The following STRBP variants were observed in gnomAD, a reference collection of about 807,000 sequenced individuals.
STRBP encodes spermatid perinuclear RNA-binding protein.
STRBP carries 13 observed loss-of-function variants against 80.1 expected under a neutral mutation model. That is an observed-to-expected ratio of 0.16 (90% CI 0.11 to 0.26). The LOEUF is 0.26. STRBP is among the 10% of genes least tolerant of loss of function. The probability of loss-of-function intolerance (pLI) is 1.00; values close to 1 mark genes in which losing one functional copy is unlikely to be tolerated. For synonymous variants in STRBP, 284 were observed against 291.2 expected (o/e 0.98, Z 0.25); for missense variants, 485 against 815.2 (o/e 0.59, Z 4.93).
At chr9:123,197,012 A>G (rs1002935383) in intron 2 of STRBP, among the ~76,000 whole-genome samples, 1 of 152,256 alleles carries the variant, frequency 6.6e-6, no homozygotes, top group Non-Finnish European at 1.5e-5. Flanking sequence ...ACGAATGAAT[A>G]AAGTAAATAT....
chr9:123,219,819 A>C lies in STRBP; in HGVS notation c.-165+17011T>G, dbSNP rs868604809. Among the ~76,000 whole-genome samples, 11 of 152,376 alleles carry C rather than the reference A, an allele frequency of 7.2e-5. No individual in the cohort carries two copies. In the Middle Eastern group the frequency reaches 0.017, roughly 236 times the overall value. ...ATTTCACAGAGTTGCTACAAAATTTAAATGAGAGAAAAAAGACAATTACCT... is the reference window on the plus strand; with the variant it reads ...ATTTCACAGAGTTGCTACAAAATTTCAATGAGAGAAAAAAGACAATTACCT... On this transcript the variant is annotated intron_variant, in intron 2 of 18. Coordinates refer to ENST00000348403, the MANE Select transcript of STRBP (RefSeq NM_018387.5).
chr9:123,266,536 T>C (rs1007683602), intron 1 of STRBP, among the ~76,000 whole-genome samples: 5 of 152,102 alleles, frequency 3.3e-5, no homozygotes, highest in African/African-American at 9.6e-5. Flanking sequence ...CCTTAGACTC[T>C]CAGTGACCTA....
chr9:123,262,724 C>T (rs1388521840), intron 1 of STRBP, among the ~76,000 whole-genome samples: 2 of 152,218 alleles, frequency 1.3e-5, no homozygotes, highest in African/African-American at 4.8e-5. Context: ...CAGCCACATG[C>T]ACATGTGGAG....
chr9:123,173,656 G>A lies in STRBP; in HGVS notation c.390+21C>T, dbSNP rs530165575. ...CACCTTTTTACAAATTCGCCTAGAG[G>A]TGCAGTTAAACTGTACTCACCTGAA... On this transcript the variant is annotated intron_variant, in intron 5 of 18. Coordinates refer to ENST00000348403, the MANE Select transcript of STRBP (RefSeq NM_018387.5). 2.3e-5 allele frequency: 36 copies of A among 1,575,194 alleles called. 1 individual carries two copies. In the South Asian group the frequency reaches 3.2e-4, roughly 14 times the overall value.
Position 123,136,282 on chromosome 9 carries a change from T to C in STRBP, c.1632+99A>G, listed in dbSNP as rs1280148783. On this transcript the variant is annotated intron_variant, in intron 15 of 18. Coordinates refer to ENST00000348403, the MANE Select transcript of STRBP (RefSeq NM_018387.5). This position sits in a 1 kb window ranked among gnomAD's most constrained non-coding sequence, Gnocchi z 4.2. ...ACAGAAAACACCAAAAATCAAATAG[T>C]GCCACAAGAACTGACTCAGTCTAAA... 1.3e-5 allele frequency: 20 copies of C among 1,594,902 alleles called. No homozygotes were observed. The highest frequency in any genetic ancestry group is 1.1e-4 in the South Asian group (10 of 88,404).
chr9:123,264,048 G>A (rs957435934), intron 1 of STRBP, among the ~76,000 whole-genome samples: 2 of 152,160 alleles, frequency 1.3e-5, no homozygotes, highest in African/African-American at 4.8e-5. Flanking sequence ...GCGTGGTGGC[G>A]GGCACCTGTA....
At chr9:123,151,805 A>G (rs976227036) in intron 11 of STRBP, among the ~76,000 whole-genome samples, 6 of 152,182 alleles carry the variant, frequency 3.9e-5, no homozygotes, top group Admixed American at 3.9e-4. Context: ...AAAGAAAGTC[A>G]TAAGGAAGGA....
intron 1 of STRBP, among the ~76,000 whole-genome samples, chr9:123,238,234 C>T (rs755069821): frequency 7.2e-5 from 11 of 152,162 alleles, no homozygotes; most frequent in Non-Finnish European, 1.6e-4. Context: ...GATCGCTTGA[C>T]GCCAGGAATT....
chr9:123,121,410 C>T (rs933969989), downstream of STRBP: 2 of 152,160 alleles, frequency 1.3e-5, no homozygotes, highest in African/African-American at 4.8e-5. Context: ...CACATCTTTA[C>T]ATGAACTCCA....
intron 14 of STRBP, among the ~76,000 whole-genome samples, chr9:123,139,025 G>A (rs1296648477): frequency 1.3e-5 from 2 of 152,070 alleles, no homozygotes; most frequent in African/African-American, 2.4e-5. Flanking sequence ...AGTTCCAGTC[G>A]GGACTTAATT....
intron 11 of STRBP, among the ~76,000 whole-genome samples, chr9:123,152,594 G>A (rs975803573): frequency 6.6e-6 from 1 of 151,928 alleles, no homozygotes; most frequent in African/African-American, 2.4e-5. Flanking sequence ...GGACCCTAAG[G>A]GCATTATGCT....
At chr9:123,134,348 T>C (rs919838271) in intron 16 of STRBP, among the ~76,000 whole-genome samples, 1 of 152,188 alleles carries the variant, frequency 6.6e-6, no homozygotes, top group Non-Finnish European at 1.5e-5. Context: ...ACTTTGAAAA[T>C]GCAACATCCT....
rs768132382 is a variant in STRBP at position 123,139,684 on chromosome 9, A to G, written c.1342T>C (p.Leu448=). The stretch of plus-strand genomic sequence containing the variant: ...CCTGTTGGATATCCCATTGCCTGCA[A>G]TACCTGTACAAATTACATTAAAATG... ...TAKLHVAVKV[L]QAMGYPTGFD... is the part of the protein sequence containing the mutation. The change falls in exon 14 of 19, where the codon TTG becomes CTG. Residue 448 remains leucine, a synonymous_variant. Transcript: ENST00000348403. The G allele has an allele frequency of 7.5e-6, 12 of 1,609,280 alleles. No homozygotes were observed. Among genetic ancestry groups the G allele is most frequent in the Non-Finnish European group, 1.0e-5 (12 of 1,179,092 alleles).
At chr9:123,257,154 T>C (rs1016574780) in intron 1 of STRBP, among the ~76,000 whole-genome samples, 1 of 152,124 alleles carries the variant, frequency 6.6e-6, no homozygotes, top group African/African-American at 2.4e-5. Flanking sequence ...TCCTTTCATA[T>C]ATCGTATCGT....
intron 17 of STRBP, among the ~76,000 whole-genome samples, chr9:123,129,779 T>C (rs1017583775): frequency 2.6e-5 from 4 of 152,218 alleles, no homozygotes; most frequent in African/African-American, 9.6e-5. Context: ...AAATGTATGC[T>C]GAAGAAGTAA....
chr9:123,125,646 G>T lies in STRBP; in HGVS notation c.1970C>A (p.Pro657His), dbSNP rs1341771095. 1.2e-6 allele frequency: 2 copies of T among 1,613,054 alleles called. No individual in the cohort carries two copies. The highest frequency in any genetic ancestry group is 2.7e-5 in the African/African-American group (2 of 74,792). Reference protein sequence around the residue: ...YGLPKRMVLLPVMKFPTYPVP... With the variant: ...YGLPKRMVLLHVMKFPTYPVP... ...AGGATATGTTGGAAATTTCATAACG[G>T]GTAACAGAACCATTCTCTTGGGTAA... Residue 657 changes from proline (P) to histidine (H), a missense_variant, in exon 19 of 19, where the codon CCC (proline) becomes CAC (histidine). Physicochemically the swap from Pro to His is moderately conservative, Grantham distance 77. This residue lies in a region of STRBP where 85 missense variants were observed against 120.1 expected (regional missense o/e 0.71). Transcript: ENST00000348403.
At chr9:123,242,845 C>T (rs1454981589) in intron 1 of STRBP, among the ~76,000 whole-genome samples, 1 of 152,128 alleles carries the variant, frequency 6.6e-6, no homozygotes, top group Non-Finnish European at 1.5e-5. Flanking sequence ...TCTTTCTAGT[C>T]TCATTCCAAT....
intron 4 of STRBP, among the ~76,000 whole-genome samples, chr9:123,174,858 A>G (rs2038153528): frequency 6.6e-6 from 1 of 152,324 alleles, no homozygotes; most frequent in East Asian, 1.9e-4. Flanking sequence ...TTATTGGTTC[A>G]TTTCCCTTAA....
At chr9:123,133,094 G>T in intron 16 of STRBP, 126 bp from the exon 17 acceptor site, 1 of 1,144,426 alleles carries the variant, frequency 8.7e-7, no homozygotes, top group Non-Finnish European at 1.2e-6. Flanking sequence ...AGCTGTCTGT[G>T]ATCTTGAACC....
Sources: gnomAD v4.1 joint callset for allele counts (sites outside exome capture counted in the v4.1 genomes callset) on GRCh38, gnomAD v4.1.1 for gene constraint, gnomAD v4.1.1 regional missense constraint, Gnocchi (gnomAD v3.1) non-coding constraint, MANE v1.5 for transcripts, NCBI Gene and HGNC (gene_info 2026-07-23, HGNC 2026-07-21) for gene names.